RABEP1: variants seen among roughly 807,000 people sequenced by gnomAD.
RABEP1 encodes the protein rabaptin, RAB GTPase binding effector protein 1.
A neutral mutation model predicts 123.4 loss-of-function variants in RABEP1; 51 were observed. The ratio of observed to expected loss-of-function variants is 0.41; its 90% CI spans 0.33 to 0.52. The LOEUF (loss-of-function observed/expected upper bound fraction) is 0.52. Ranked by LOEUF, RABEP1 falls within the 20% of genes least tolerant of loss-of-function variation. The pLI is 0.16. For synonymous variants in RABEP1, 347 were observed against 355.2 expected (o/e 0.98, Z 0.26); for missense variants, 888 against 996.3 (o/e 0.89, Z 1.46).
chr17:5,366,533 T>C (rs1910008279), intron 11 of RABEP1, among the ~76,000 whole-genome samples: 1 of 151,928 alleles, frequency 6.6e-6, no homozygotes, highest in Admixed American at 6.6e-5. Context: ...GCAACCTCTG[T>C]TTCCCGGGTT....
chr17:5,290,665 T>C (rs976995421), intron 1 of RABEP1, among the ~76,000 whole-genome samples: 1 of 152,174 alleles, frequency 6.6e-6, no homozygotes, highest in African/African-American at 2.4e-5. Flanking sequence ...CTATCTTAGC[T>C]GACTGCAACC....
intron 4 of RABEP1, chr17:5,336,520 T>C: frequency 2.1e-6 from 1 of 473,834 alleles, no homozygotes; most frequent in Admixed American, 2.4e-5. Context: ...TGCATTTAGT[T>C]GTGTCTCCTT....
intron 2 of RABEP1, among the ~76,000 whole-genome samples, chr17:5,318,544 A>G (rs2075320846): frequency 6.6e-6 from 1 of 152,204 alleles, no homozygotes; most frequent in African/African-American, 2.4e-5. Flanking sequence ...CTTCATGATT[A>G]ATAACCTTCC....
intron 1 of RABEP1, among the ~76,000 whole-genome samples, chr17:5,306,846 G>A (rs1468719179): frequency 6.6e-6 from 1 of 152,104 alleles, no homozygotes; most frequent in Non-Finnish European, 1.5e-5. Context: ...GTAAAATGTT[G>A]TATATCTCAT....
intron 7 of RABEP1, among the ~76,000 whole-genome samples, chr17:5,352,595 C>T (rs1195148742): frequency 6.6e-6 from 1 of 151,566 alleles, no homozygotes; most frequent in Non-Finnish European, 1.5e-5. Context: ...CTTTGGGAGG[C>T]CGAGGTGGGT....
chr17:5,303,440 C>T (rs1409416148), intron 1 of RABEP1, among the ~76,000 whole-genome samples: 3 of 152,150 alleles, frequency 2.0e-5, no homozygotes, highest in South Asian at 2.1e-4. Context: ...CAGGGTTTCG[C>T]CACATTGACC....
At position 5,314,234 on chromosome 17, in the gene RABEP1, CTTTTTTTTTTTT is replaced by C. The variant is rs71151864; in HGVS notation, c.163+5427_163+5438del. Among the ~76,000 whole-genome samples, 48 of 55,584 alleles carry C rather than the reference CTTTTTTTTTTTT, an allele frequency of 8.6e-4. 1 individual carries two copies. In the Middle Eastern group the frequency reaches 0.075, roughly 87 times the overall value. The allele number at this position is 55,584 out of a possible 152,430, so 36.5% of individuals were successfully genotyped here. On this transcript the variant is annotated intron_variant, in intron 2 of 17. Coordinates refer to ENST00000537505, the MANE Select transcript of RABEP1 (RefSeq NM_004703.6). Reference sequence around the variant, plus strand: ...GCCTGTTCTTTTCTTAGTACCTATTCTTTTTTTTTTTTTTTTTTTTTTTTTTGAGATGGAGTT... The same window carrying C: ...GCCTGTTCTTTTCTTAGTACCTATTCTTTTTTTTTTTTTTGAGATGGAGTT...
At chr17:5,314,722 G>A (rs575401327) in intron 2 of RABEP1, among the ~76,000 whole-genome samples, 18 of 152,244 alleles carry the variant, frequency 1.2e-4, no homozygotes, top group Admixed American at 1.1e-3. Flanking sequence ...GTTTCACCGT[G>A]TTAGCCATGA....
At chr17:5,360,517 G>A (rs1306286302) in intron 8 of RABEP1, among the ~76,000 whole-genome samples, 4 of 152,186 alleles carry the variant, frequency 2.6e-5, no homozygotes, top group East Asian at 3.9e-4. Context: ...AGCGGAGATC[G>A]CGCCACTGCA....
At chr17:5,341,762 C>G (rs575312831) in intron 5 of RABEP1, among the ~76,000 whole-genome samples, 10 of 152,226 alleles carry the variant, frequency 6.6e-5, no homozygotes, top group African/African-American at 2.4e-4. Context: ...AGGGTGTATT[C>G]CCAGAAATTT....
chr17:5,371,451 C>G (rs1300536018), intron 12 of RABEP1: 3 of 152,106 alleles, frequency 2.0e-5, no homozygotes, highest in Non-Finnish European at 4.4e-5. Context: ...TTGGCTTATC[C>G]TTCTGTTTTT....
intron 12 of RABEP1, among the ~76,000 whole-genome samples, chr17:5,369,561 G>A (rs1172360444): frequency 6.6e-6 from 1 of 152,114 alleles, no homozygotes; most frequent in East Asian, 1.9e-4. Flanking sequence ...CCTAATCATT[G>A]ACCCATAGTT....
chr17:5,299,334 G>A (rs1480261530), intron 1 of RABEP1, among the ~76,000 whole-genome samples: 2 of 151,176 alleles, frequency 1.3e-5, no homozygotes, highest in Non-Finnish European at 2.9e-5. Context: ...TTTTAGTGGG[G>A]AATGTCATTT....
chr17:5,383,600 A>G lies in RABEP1; in HGVS notation c.*377A>G, dbSNP rs1265330284. The G allele has an allele frequency of 3.6e-6, 1 of 275,392 alleles. No homozygotes were observed. Among genetic ancestry groups the G allele is most frequent in the Non-Finnish European group, 7.0e-6 (1 of 143,334 alleles). The allele number at this position is 275,392 out of a possible 1,614,324, so 17.1% of individuals were successfully genotyped here. ...GGAATTTTCTGTTCATAGATATTGGAAGAGAGAATTTGCTTTATCTGTTGT... is the reference window on the plus strand; with the variant it reads ...GGAATTTTCTGTTCATAGATATTGGGAGAGAGAATTTGCTTTATCTGTTGT... On this transcript the variant is annotated 3_prime_UTR_variant, in exon 18 of 18. Coordinates refer to ENST00000537505, the MANE Select transcript of RABEP1 (RefSeq NM_004703.6).
At chr17:5,367,710 T>G (rs1567548410) in intron 11 of RABEP1, among the ~76,000 whole-genome samples, 1 of 151,412 alleles carries the variant, frequency 6.6e-6, no homozygotes, top group Middle Eastern at 3.4e-3. Context: ...GCCTTTTTTT[T>G]GTGCTAAATT....
chr17:5,342,373 C>T (rs776694678), intron 5 of RABEP1, among the ~76,000 whole-genome samples: 9 of 152,160 alleles, frequency 5.9e-5, no homozygotes, highest in Non-Finnish European at 1.3e-4. Context: ...TGCAGTGGCT[C>T]ACGTCTGTAA....
chr17:5,297,590 A>G (rs1251087128), intron 1 of RABEP1, among the ~76,000 whole-genome samples: 10 of 152,234 alleles, frequency 6.6e-5, no homozygotes, highest in Admixed American at 6.5e-4. Flanking sequence ...ATGTTTCTGC[A>G]TCTGTAACTG....
At chr17:5,373,730 A>ACG (rs1272726671) in intron 13 of RABEP1, among the ~76,000 whole-genome samples, 3 of 143,414 alleles carry the variant, frequency 2.1e-5, no homozygotes, top group African/African-American at 7.7e-5. Context: ...ACACACACAC[A>ACG]CACACACGAA....
chr17:5,298,081 T>C (rs1180815774), intron 1 of RABEP1, among the ~76,000 whole-genome samples: 1 of 152,240 alleles, frequency 6.6e-6, no homozygotes, highest in Non-Finnish European at 1.5e-5. Context: ...GTTCCCTCTC[T>C]GTGTATGACC....
Sources: gnomAD v4.1 joint callset for allele counts (sites outside exome capture counted in the v4.1 genomes callset) on GRCh38, gnomAD v4.1.1 for gene constraint, MANE v1.5 for transcripts, NCBI Gene and HGNC (gene_info 2026-07-23, HGNC 2026-07-21) for gene names.